CELF1: variants seen among roughly 807,000 people sequenced by gnomAD.
CELF1 encodes 50 kDa nuclear polyadenylated RNA-binding protein.
CELF1 carries 10 observed loss-of-function variants against 61.8 expected under a neutral mutation model. That is an observed-to-expected ratio of 0.16 (90% CI 0.10 to 0.27). The LOEUF is 0.27. CELF1 is among the 10% of genes least tolerant of loss of function. The pLI is 1.00. For missense variants in CELF1, 380 were observed against 639.1 expected, an observed-to-expected ratio of 0.59 and a Z score of 4.37; for synonymous variants, 236 against 225.1, an observed-to-expected ratio of 1.05 and a Z score of -0.43.
At chr11:47,552,378 G>A (rs145240718) in intron 1 of CELF1, among the ~76,000 whole-genome samples, 12 of 152,204 alleles carry the variant, frequency 7.9e-5, no homozygotes, top group Non-Finnish European at 1.8e-4. Flanking sequence ...GCGCTTTAAT[G>A]TGCTCCTCCC....
intron 1 of CELF1, among the ~76,000 whole-genome samples, chr11:47,549,825 T>TG (rs2097091743): frequency 1.3e-5 from 2 of 151,612 alleles, no homozygotes; most frequent in African/African-American, 2.4e-5. Context: ...TTTTTGTTTT[T>TG]TTTTTTTCTG....
intron 1 of CELF1, among the ~76,000 whole-genome samples, chr11:47,545,833 T>C (rs920984311): frequency 6.6e-6 from 1 of 150,514 alleles, no homozygotes; most frequent in Non-Finnish European, 1.5e-5. Context: ...GCCCAGCCCC[T>C]CTCTCTCATA....
intron 6 of CELF1, among the ~76,000 whole-genome samples, chr11:47,485,675 G>A (rs2086364448): frequency 6.6e-6 from 1 of 151,346 alleles, no homozygotes; most frequent in African/African-American, 2.4e-5. Context: ...ACCGTCTCCT[G>A]GGTCCAAGCG....
chr11:47,519,277 G>A (rs1381077544), intron 1 of CELF1, among the ~76,000 whole-genome samples: 2 of 151,976 alleles, frequency 1.3e-5, no homozygotes, highest in Non-Finnish European at 2.9e-5. Context: ...GTCAGAGTTC[G>A]AGACCAGCCT....
intron 2 of CELF1, among the ~76,000 whole-genome samples, chr11:47,562,025 G>C (rs571964594): frequency 6.6e-6 from 1 of 151,776 alleles, no homozygotes; most frequent in African/African-American, 2.4e-5. Context: ...TCGGGAGTTC[G>C]AGACCAGGCT....
Position 47,475,430 on chromosome 11 carries a change from A to C in CELF1, c.1179T>G (p.Gly393=). The part of the protein sequence containing the change: ...TMEALTQAYS[G]IQQYAAAALP... ...GCGCAGCAGCAGCATATTGCTGGAT[A>C]CCCGAGTAGGCCTGAGTGAGGGCCT... Residue 393 remains glycine, a synonymous_variant, in exon 13 of 15, where the codon GGT becomes GGG. Coordinates refer to ENST00000687097, the MANE Select transcript of CELF1 (RefSeq NM_001376376.1). 1 of 1,614,046 alleles carries C rather than the reference A, an allele frequency of 6.2e-7. No homozygotes were observed. Among genetic ancestry groups the C allele is most frequent in the Non-Finnish European group, 8.5e-7 (1 of 1,180,026 alleles).
At chr11:47,498,044 C>A (rs1431527460) in intron 3 of CELF1, among the ~76,000 whole-genome samples, 1 of 152,160 alleles carries the variant, frequency 6.6e-6, no homozygotes, top group Non-Finnish European at 1.5e-5. Flanking sequence ...TTTAATTTCA[C>A]CTGTTACAGC....
At chr11:47,558,980 T>C (rs1401692157) in intron 2 of CELF1, among the ~76,000 whole-genome samples, 1 of 140,764 alleles carries the variant, frequency 7.1e-6, no homozygotes, top group Non-Finnish European at 1.5e-5. Context: ...ATTATATATG[T>C]TATATATAGT....
intron 1 of CELF1, among the ~76,000 whole-genome samples, chr11:47,544,411 C>A (rs2096882103): frequency 1.3e-5 from 2 of 152,184 alleles, no homozygotes; most frequent in Non-Finnish European, 1.5e-5. Context: ...GGTATCTCCA[C>A]TTTAAAGACA....
chr11:47,501,344 G>A (rs945122340), intron 1 of CELF1, among the ~76,000 whole-genome samples: 2 of 152,156 alleles, frequency 1.3e-5, no homozygotes, highest in Non-Finnish European at 2.9e-5. Context: ...ACCCTAGCTG[G>A]GGCTGGTTAG....
At chr11:47,497,651 G>A (rs1442185484) in intron 3 of CELF1, among the ~76,000 whole-genome samples, 1 of 152,210 alleles carries the variant, frequency 6.6e-6, no homozygotes, top group Non-Finnish European at 1.5e-5. Flanking sequence ...TTCCCCGACT[G>A]ACTCTGAGAA....
At chr11:47,554,238 T>C (rs1237866655), upstream of CELF1, among the ~76,000 whole-genome samples, 5 of 152,192 alleles carry the variant, frequency 3.3e-5, no homozygotes, top group African/African-American at 4.8e-5. Context: ...AGTCCTTAAA[T>C]TGTACATGAT....
chr11:47,472,755 G>A (rs912662973), intron 14 of CELF1, among the ~76,000 whole-genome samples: 1 of 152,128 alleles, frequency 6.6e-6, no homozygotes, highest in Non-Finnish European at 1.5e-5. Flanking sequence ...CTGTTGCTCA[G>A]GCTGGTCTCG....
intron 3 of CELF1, 147 bp from the exon 4 acceptor site, chr11:47,489,171 T>A: frequency 4.3e-6 from 3 of 694,302 alleles, no homozygotes; most frequent in Non-Finnish European, 6.6e-6. Context: ...TTTACCAGAG[T>A]TCCCTGGTTC....
At chr11:47,496,757 T>C (rs2093186023) in intron 3 of CELF1, among the ~76,000 whole-genome samples, 6 of 152,080 alleles carry the variant, frequency 3.9e-5, no homozygotes, top group African/African-American at 1.4e-4. Context: ...TTGAGAAAGT[T>C]GTGGGCAGAG....
chr11:47,472,076 T>C lies in CELF1; in HGVS notation c.*154A>G. 1.2e-6 allele frequency: 1 copy of C among 809,432 alleles called. No homozygotes were observed. Among genetic ancestry groups the C allele is most frequent in the East Asian group, 2.5e-5 (1 of 40,352 alleles). The allele number at this position is 809,432 out of a possible 1,614,324, so 50.1% of individuals were successfully genotyped here. On this transcript the variant is annotated 3_prime_UTR_variant, in exon 15 of 15. Transcript: ENST00000687097. ...GAAGCGAAACTCCCACAGAAGGCAG[T>C]AGCCGAGTCTTCAGGGCAAGCTGTG...
intron 9 of CELF1, among the ~76,000 whole-genome samples, chr11:47,481,102 CTTTTT>C (rs1187959061): frequency 7.0e-5 from 5 of 71,432 alleles, no homozygotes; most frequent in Admixed American, 5.0e-4. Context: ...TTTTCTTCTT[CTTTTT>C]TTTTTTTTTT....
At position 47,549,820 on chromosome 11, in the gene CELF1, GT is replaced by G. The variant is rs143103415; in HGVS notation, c.-154+3171del. Among the ~76,000 whole-genome samples the G allele has an allele frequency of 9.0e-3, 1,302 of 145,108 alleles. 21 individuals carry two copies. Among genetic ancestry groups the G allele is most frequent in the African/African-American group, 0.031 (1,238 of 39,504 alleles). On this transcript the variant is annotated intron_variant, in intron 1 of 14. Coordinates refer to ENST00000687097, the MANE Select transcript of CELF1 (RefSeq NM_001376376.1). ...TTAGTAAATGTTGTGGGTTTTTTTT[GT>G]TTTTTTTTTTTCTGAGACAGAGTCT...
chr11:47,498,097 T>C (rs2093424095), intron 3 of CELF1, among the ~76,000 whole-genome samples: 1 of 152,166 alleles, frequency 6.6e-6, no homozygotes, highest in Non-Finnish European at 1.5e-5. Flanking sequence ...TAAAAAGACA[T>C]TTAAATTACC....
Sources: gnomAD v4.1 joint callset for allele counts (sites outside exome capture counted in the v4.1 genomes callset) on GRCh38, gnomAD v4.1.1 for gene constraint, MANE v1.5 for transcripts, NCBI Gene and HGNC (gene_info 2026-07-23, HGNC 2026-07-21) for gene names.